The following ANKS1B variants were observed in gnomAD, a reference collection of about 807,000 sequenced individuals.
The protein encoded by ANKS1B is ankyrin repeat and sterile alpha motif domain-containing protein 1B.
In ANKS1B, 36 loss-of-function variants were observed where a neutral mutation model predicts 148.3. The ratio of observed to expected loss-of-function variants is 0.24; its 90% confidence interval spans 0.19 to 0.32. The LOEUF (loss-of-function observed/expected upper bound fraction) is 0.32. Among genes scored for constraint, ANKS1B ranks in the 10% least tolerant of loss-of-function variants. ANKS1B has a pLI of 1.00. For missense variants in ANKS1B, 1,157 were observed against 1,542.6 expected (o/e 0.75, Z 4.19); for synonymous variants, 542 against 560.8 (o/e 0.97, Z 0.47).
intron 16 of ANKS1B, among the ~76,000 whole-genome samples, chr12:99,078,562 C>T (rs1292852754): frequency 6.6e-6 from 1 of 152,102 alleles, no homozygotes; most frequent in Non-Finnish European, 1.5e-5. Context: ...GCAAAGGTGG[C>T]TCTTAAATCA....
intron 1 of ANKS1B, among the ~76,000 whole-genome samples, chr12:99,908,035 T>C (rs1257525643): frequency 6.6e-6 from 1 of 152,140 alleles, no homozygotes; most frequent in African/African-American, 2.4e-5. Context: ...CTAGTACTGA[T>C]CATCTAGCAT....
intron 8 of ANKS1B, among the ~76,000 whole-genome samples, chr12:99,756,749 A>G (rs2153601803): frequency 6.6e-6 from 1 of 152,206 alleles, no homozygotes; most frequent in South Asian, 2.1e-4. Flanking sequence ...ATGGAACAGT[A>G]TAGAGAATTC....
At chr12:99,130,409 C>T (rs2065762639) in intron 15 of ANKS1B, among the ~76,000 whole-genome samples, 3 of 152,134 alleles carry the variant, frequency 2.0e-5, no homozygotes, top group Admixed American at 6.5e-5. Context: ...TTTTTACTTG[C>T]TTAGGCTGAA....
intron 15 of ANKS1B, among the ~76,000 whole-genome samples, chr12:99,131,965 T>C (rs1398398861): frequency 6.6e-6 from 1 of 152,116 alleles, no homozygotes; most frequent in East Asian, 1.9e-4. Context: ...CTGGTTGGTG[T>C]CTGATGCTCT....
chr12:98,950,147 T>C (rs1283725346), intron 17 of ANKS1B, among the ~76,000 whole-genome samples: 1 of 152,182 alleles, frequency 6.6e-6, no homozygotes, highest in Non-Finnish European at 1.5e-5. Context: ...AAGTAGTAAC[T>C]CCCAAGGGTT....
At chr12:98,792,380 T>C (rs2098882871) in intron 22 of ANKS1B, among the ~76,000 whole-genome samples, 1 of 152,204 alleles carries the variant, frequency 6.6e-6, no homozygotes, top group African/African-American at 2.4e-5. Context: ...AATATATGTA[T>C]ACATTGTGTA....
chr12:99,983,280 T>A (rs933372383), intron 1 of ANKS1B, among the ~76,000 whole-genome samples: 9 of 152,324 alleles, frequency 5.9e-5, no homozygotes, highest in Non-Finnish European at 1.0e-4. Context: ...ATACAACTTT[T>A]AATAGTTTCT....
intron 14 of ANKS1B, among the ~76,000 whole-genome samples, chr12:99,223,471 G>A (rs1272201964): frequency 6.6e-6 from 1 of 152,076 alleles, no homozygotes; most frequent in Non-Finnish European, 1.5e-5. Flanking sequence ...GGTCCCATCT[G>A]GGGGTAATGG....
chr12:99,374,395 G>A (rs78646166), intron 12 of ANKS1B, among the ~76,000 whole-genome samples: 2,579 of 152,230 alleles, frequency 0.017, 75 homozygotes, highest in African/African-American at 0.059. Flanking sequence ...AGGTGAACTG[G>A]TGTGTCTACA....
chr12:99,669,745 CT>C (rs2098527736), intron 8 of ANKS1B, among the ~76,000 whole-genome samples: 1 of 152,074 alleles, frequency 6.6e-6, no homozygotes, highest in South Asian at 2.1e-4. Flanking sequence ...TTTTCTGGAC[CT>C]CTTTTTTGGT....
chr12:99,052,452 G>C (rs1303436621), intron 17 of ANKS1B, among the ~76,000 whole-genome samples: 1 of 151,976 alleles, frequency 6.6e-6, no homozygotes, highest in Non-Finnish European at 1.5e-5. Context: ...AAGGGGCCGG[G>C]CGCGGTGGCT....
chr12:99,199,936 G>C (rs912299855), intron 14 of ANKS1B, among the ~76,000 whole-genome samples: 1 of 152,202 alleles, frequency 6.6e-6, no homozygotes, highest in African/African-American at 2.4e-5. Context: ...GGAGAAGAAA[G>C]GGGGTAGGAA....
intron 9 of ANKS1B, among the ~76,000 whole-genome samples, chr12:99,625,369 T>C (rs1412823410): frequency 1.3e-5 from 2 of 152,142 alleles, no homozygotes; most frequent in African/African-American, 2.4e-5. Context: ...TCTGCACATG[T>C]ACCCCGACTC....
At chr12:99,969,588 G>T (rs574699797) in intron 1 of ANKS1B, among the ~76,000 whole-genome samples, 16 of 152,146 alleles carry the variant, frequency 1.1e-4, no homozygotes, top group Admixed American at 2.0e-4. Context: ...GTGCTATCAA[G>T]AAACAAATTT....
chr12:99,717,652 T>C (rs1262636701), intron 8 of ANKS1B, among the ~76,000 whole-genome samples: 2 of 152,190 alleles, frequency 1.3e-5, no homozygotes, highest in South Asian at 2.1e-4. Flanking sequence ...CTCGGCTTAG[T>C]GGCTGAAGAC....
chr12:99,229,934 T>C (rs79876542), intron 14 of ANKS1B, among the ~76,000 whole-genome samples: 3,022 of 152,034 alleles, frequency 0.02, 111 homozygotes, highest in East Asian at 0.089. Context: ...AAGACACTTA[T>C]ATATACTGGA....
At chr12:99,254,859 T>A (rs1486911472) in intron 12 of ANKS1B, among the ~76,000 whole-genome samples, 1 of 152,244 alleles carries the variant, frequency 6.6e-6, no homozygotes, top group East Asian at 1.9e-4. Flanking sequence ...ACCAACAGGA[T>A]AAACTCAGTG....
rs141821944 is a variant in ANKS1B at position 99,736,248 on chromosome 12, C to T, written c.1128+36674G>A. Among the ~76,000 whole-genome samples the T allele has an allele frequency of 4.8e-3, 732 of 152,040 alleles. 6 individuals are homozygous for T. Among genetic ancestry groups the T allele is most frequent in the African/African-American group, 0.017 (689 of 41,478 alleles). ...GCAACATAGTACTGGAAGTCCTAGC[C>T]AGAGCAATCGGGCAAGAGAATGAAA... On this transcript the variant is annotated intron_variant, in intron 8 of 26. Transcript: ENST00000683438.
chr12:98,909,424 G>A (rs11109664), intron 17 of ANKS1B, among the ~76,000 whole-genome samples: 56,938 of 152,038 alleles, frequency 0.37, 11,877 homozygotes, highest in Middle Eastern at 0.55. Context: ...CTTGCCTGGC[G>A]TCACACAGCT....
Sources: gnomAD v4.1 joint callset for allele counts (sites outside exome capture counted in the v4.1 genomes callset) on GRCh38, gnomAD v4.1.1 for gene constraint, MANE v1.5 for transcripts, NCBI Gene and HGNC (gene_info 2026-07-23, HGNC 2026-07-21) for gene names.